The following NPR3 variants were observed in gnomAD, a reference collection of about 807,000 sequenced individuals.
NPR3 encodes natriuretic peptide receptor 3, also known as atrial natriuretic peptide receptor 3.
Under a neutral mutation model 54.5 loss-of-function variants are expected in NPR3, and 34 were observed. That is an observed-to-expected ratio of 0.62 (90% CI 0.47 to 0.83). The LOEUF is 0.83. NPR3 is among the 40% of genes least tolerant of loss of function. The probability of loss-of-function intolerance (pLI) is 0.00; values close to 1 mark genes in which losing one functional copy is unlikely to be tolerated. For missense variants in NPR3, 674 were observed against 720.8 expected, an observed-to-expected ratio of 0.94 and a Z score of 0.74; for synonymous variants, 289 against 297.1, an observed-to-expected ratio of 0.97 and a Z score of 0.28.
intron 3 of NPR3, among the ~76,000 whole-genome samples, chr5:32,749,310 G>C (rs1228708094): frequency 6.6e-6 from 1 of 151,956 alleles, no homozygotes; most frequent in African/African-American, 2.4e-5. Flanking sequence ...AAGGAAAAAA[G>C]ATTTTTTAAA....
chr5:32,757,174 A>T (rs910418686), intron 3 of NPR3, among the ~76,000 whole-genome samples: 2 of 152,186 alleles, frequency 1.3e-5, no homozygotes, highest in African/African-American at 4.8e-5. Context: ...GAAGGCATTG[A>T]ATCTATAAAT....
chr5:32,785,890 T>C (rs1316178972), intron 7 of NPR3, among the ~76,000 whole-genome samples: 1 of 152,226 alleles, frequency 6.6e-6, no homozygotes, highest in Non-Finnish European at 1.5e-5. Flanking sequence ...TGTATTCCTG[T>C]TCCTTTGGCC....
At chr5:32,716,104 A>G (rs1432394825) in intron 1 of NPR3, among the ~76,000 whole-genome samples, 1 of 152,212 alleles carries the variant, frequency 6.6e-6, no homozygotes, top group Non-Finnish European at 1.5e-5. Context: ...AGCTTTATGA[A>G]CAACAGAAAT....
In NPR3 at chr5:32,736,250, A is replaced by AAG. The variant is rs1554015122; in HGVS notation, c.893-2613_893-2612insGA. On this transcript the variant is annotated intron_variant, in intron 2 of 7. Coordinates refer to ENST00000265074, the MANE Select transcript of NPR3 (RefSeq NM_001204375.2). Reference sequence around the variant, plus strand: ...TGTCTCAAAAAAAAAAAAAAAAAAGAAAAAAAAAAGGAAAACAAAACTCCA... The same window carrying AAG: ...TGTCTCAAAAAAAAAAAAAAAAAAGAAGAAAAAAAAAGGAAAACAAAACTCCA... 9.3e-4 allele frequency among the ~76,000 whole-genome samples: 119 copies of AAG among 128,572 alleles called. 1 individual carries two copies. Among genetic ancestry groups the AAG allele is most frequent in the African/African-American group, 3.7e-3 (113 of 30,474 alleles). 84.3% of individuals were successfully genotyped at this position (128,572 alleles called of 152,430 possible). A position where few individuals can be genotyped will look rare whatever the true frequency, so the allele number is the denominator to read the frequency against.
rs747157727 is a variant in NPR3, at chr5:32,724,742, C to T, written c.814C>T (p.Leu272=). Residue 272 remains leucine, a synonymous_variant, in exon 2 of 8, where the codon CTG becomes TTG. Coordinates refer to ENST00000265074, the MANE Select transcript of NPR3 (RefSeq NM_001204375.2). The part of the protein sequence containing the change: ...ASSDTIRSIM[L]VAHRHGMTSG... ...CAGTGACACCATCCGGAGCATCATG[C>T]TGGTGGCGCACAGGCATGGCATGAC... The T allele has an allele frequency of 1.2e-6, 2 of 1,613,834 alleles. No homozygotes were observed. Among genetic ancestry groups the T allele is most frequent in the East Asian group, 2.2e-5 (1 of 44,904 alleles).
In NPR3 at chr5:32,786,554, A is replaced by G; in HGVS notation, c.*209A>G. ...CTTTCATCTCATGACAAACAAATAT[A>G]ATAATGATATCGTGTCACTCTGTTA... is the stretch of plus-strand genomic sequence containing the variant. On this transcript the variant is annotated 3_prime_UTR_variant, in exon 8 of 8. Coordinates refer to ENST00000265074, the MANE Select transcript of NPR3 (RefSeq NM_001204375.2). 1.8e-6 allele frequency: 1 copy of G among 547,458 alleles called. No individual in the cohort carries two copies. The allele number at this position is 547,458 out of a possible 1,614,324, so 33.9% of individuals were successfully genotyped here.
intron 3 of NPR3, among the ~76,000 whole-genome samples, chr5:32,743,992 T>C (rs1160877849): frequency 1.0e-5 from 1 of 97,452 alleles, no homozygotes. Flanking sequence ...GATGCATTTT[T>C]TTTTTTTTTT....
At position 32,712,466 on chromosome 5, in the gene NPR3, C is replaced by A; in HGVS notation, c.690C>A (p.His230Gln). The change falls in exon 1 of 8, where the codon CAC (histidine) becomes CAA (glutamine). Residue 230 changes from histidine to glutamine, a missense_variant. Coordinates refer to ENST00000265074, the MANE Select transcript of NPR3 (RefSeq NM_001204375.2). ...AGGTCTTCCAGGAGGAGGGTTTGCA[C>A]ACGTCCATCTACAGTTTCGACGAGA... ...VHEVFQEEGL[H>Q]TSIYSFDETK... The A allele has an allele frequency of 6.2e-7, 1 of 1,603,266 alleles. No homozygotes were observed. The highest frequency in any genetic ancestry group is 8.5e-7 in the Non-Finnish European group (1 of 1,176,488).
chr5:32,726,433 TCCC>T (rs1384293773), intron 2 of NPR3, among the ~76,000 whole-genome samples: 1 of 152,178 alleles, frequency 6.6e-6, no homozygotes, highest in Non-Finnish European at 1.5e-5. Context: ...GATGGTCTTT[TCCC>T]CTCTGTTTTA....
intron 3 of NPR3, among the ~76,000 whole-genome samples, chr5:32,765,518 G>C (rs1561121470): frequency 6.6e-6 from 1 of 152,208 alleles, no homozygotes; most frequent in African/African-American, 2.4e-5. Flanking sequence ...ACTCCAGTGA[G>C]TGCAGTTTCT....
intron 1 of NPR3, chr5:32,713,078 A>G: frequency 1.4e-6 from 1 of 726,826 alleles, no homozygotes; most frequent in Non-Finnish European, 1.7e-6. Context: ...TTTCTTTTAA[A>G]GGCTTGTTGA....
chr5:32,728,354 T>G (rs2111904717), intron 2 of NPR3, among the ~76,000 whole-genome samples: 1 of 152,056 alleles, frequency 6.6e-6, no homozygotes, highest in Middle Eastern at 3.4e-3. Context: ...TCCCAGCTAC[T>G]TGGGAGGCTG....
chr5:32,747,750 G>A (rs946497928), intron 3 of NPR3, among the ~76,000 whole-genome samples: 2 of 148,288 alleles, frequency 1.3e-5, no homozygotes, highest in African/African-American at 5.0e-5. Context: ...GAAGAAAGGA[G>A]GCATGCATTT....
intron 3 of NPR3, among the ~76,000 whole-genome samples, chr5:32,741,863 T>G (rs955981423): frequency 2.6e-5 from 4 of 151,726 alleles, no homozygotes; most frequent in African/African-American, 9.7e-5. Context: ...GTAGGTGGGA[T>G]TACAGGTGCA....
chr5:32,782,576 C>T (rs115565119), intron 5 of NPR3, among the ~76,000 whole-genome samples: 1,738 of 152,298 alleles, frequency 0.011, 30 homozygotes, highest in African/African-American at 0.04. Flanking sequence ...CCACTCTCAC[C>T]GCTTCCCACA....
intron 3 of NPR3, among the ~76,000 whole-genome samples, chr5:32,746,290 G>A (rs1386411610): frequency 6.6e-6 from 1 of 152,194 alleles, no homozygotes; most frequent in Non-Finnish European, 1.5e-5. Flanking sequence ...TGTACAAAAT[G>A]TTGTGTGTAA....
chr5:32,751,216 G>A (rs952017027), intron 3 of NPR3, among the ~76,000 whole-genome samples: 5 of 152,288 alleles, frequency 3.3e-5, no homozygotes, highest in East Asian at 3.9e-4. Context: ...ACAGCATAAT[G>A]TAGCAATTTT....
At chr5:32,765,025 T>C (rs963059263) in intron 3 of NPR3, among the ~76,000 whole-genome samples, 2 of 152,182 alleles carry the variant, frequency 1.3e-5, no homozygotes, top group African/African-American at 4.8e-5. Context: ...TTCTTTTTTT[T>C]ATAGCAAAGT....
intron 2 of NPR3, among the ~76,000 whole-genome samples, chr5:32,729,744 G>T (rs971083208): frequency 6.6e-6 from 1 of 152,132 alleles, no homozygotes; most frequent in African/African-American, 2.4e-5. Context: ...TATAGAAAAG[G>T]TATAGTAAAA....
Sources: allele counts gnomAD v4.1 joint callset (sites outside exome capture counted in the v4.1 genomes callset), GRCh38; gene constraint gnomAD v4.1.1; transcripts MANE v1.5; gene names NCBI Gene and HGNC (gene_info 2026-07-23, HGNC 2026-07-21).